Variants in SKI observed in about 807,000 individuals in gnomAD.
SKI encodes ski oncogene.
In SKI, 23 loss-of-function variants were observed where a neutral mutation model predicts 59.3. The ratio of observed to expected loss-of-function variants is 0.39; its 90% CI spans 0.28 to 0.55. SKI has a LOEUF of 0.55. Among genes scored for constraint, SKI ranks in the 20% least tolerant of loss-of-function variants. The probability of loss-of-function intolerance (pLI) is 0.67; values close to 1 mark genes in which losing one functional copy is unlikely to be tolerated. For missense variants in SKI, 1,017 were observed against 1,038.9 expected, an observed-to-expected ratio of 0.98 and a Z score of 0.29; for synonymous variants, 673 against 488.6, an observed-to-expected ratio of 1.38 and a Z score of -4.98.
chr1:2,247,150 C>T (rs551815388), intron 1 of SKI, among the ~76,000 whole-genome samples: 45 of 152,238 alleles, frequency 3.0e-4, no homozygotes, highest in African/African-American at 4.8e-4. Context: ...ACCTGGGAGT[C>T]GGAGTTTGCA....
In SKI at chr1:2,268,492, T is replaced by C. The variant is rs114073574; in HGVS notation, c.970-34486T>C. Among the ~76,000 whole-genome samples the C allele has an allele frequency of 1.8e-4, 28 of 152,254 alleles. No individual in the cohort carries two copies. The highest frequency in any genetic ancestry group is 3.1e-4 in the African/African-American group (13 of 41,534). ...GGGGCTCATAAGCCACCTTGGGGTA[T>C]GTCTGGGTGCATGGGGACTCCTCTG... On this transcript the variant is annotated intron_variant, in intron 1 of 6. Coordinates refer to ENST00000378536, the MANE Select transcript of SKI (RefSeq NM_003036.4). The surrounding 1 kb of genome is among the most constrained non-coding windows in gnomAD (Gnocchi z 5.0).
chr1:2,258,539 C>T (rs1188674100), intron 1 of SKI, among the ~76,000 whole-genome samples: 6 of 137,604 alleles, frequency 4.4e-5, no homozygotes, highest in South Asian at 2.3e-4. Flanking sequence ...GTGGCTTGGT[C>T]GGGGAACTCA....
chr1:2,250,366 G>C (rs1449295078), intron 1 of SKI, among the ~76,000 whole-genome samples: 2 of 152,224 alleles, frequency 1.3e-5, no homozygotes, highest in Non-Finnish European at 1.5e-5. Context: ...CGAGTGTGGG[G>C]TGGCCACTGC....
chr1:2,284,846 G>A (rs569163547), intron 1 of SKI, among the ~76,000 whole-genome samples: 11 of 152,306 alleles, frequency 7.2e-5, no homozygotes, highest in East Asian at 1.9e-4. Context: ...GAGTGAGAGT[G>A]GGTGCTCTCA....
chr1:2,251,424 T>TGCCCCA (rs1639145434), intron 1 of SKI, among the ~76,000 whole-genome samples: 1 of 151,940 alleles, frequency 6.6e-6, no homozygotes, highest in African/African-American at 2.4e-5. Context: ...TCCCTCCCCC[T>TGCCCCA]GCCCCAGCCC....
chr1:2,289,733 C>T (rs2100891977), intron 1 of SKI, among the ~76,000 whole-genome samples: 1 of 152,266 alleles, frequency 6.6e-6, no homozygotes, highest in Admixed American at 6.5e-5. Context: ...CCACAGCTCT[C>T]AGTTTGGCCC....
chr1:2,246,659 G>C (rs564681917), intron 1 of SKI, among the ~76,000 whole-genome samples: 2 of 152,298 alleles, frequency 1.3e-5, no homozygotes, highest in East Asian at 1.9e-4. Context: ...GGGCTCTGCC[G>C]GGACTGGTGG....
At chr1:2,293,913 G>A (rs985628338) in intron 1 of SKI, among the ~76,000 whole-genome samples, 3 of 152,224 alleles carry the variant, frequency 2.0e-5, no homozygotes, top group Non-Finnish European at 4.4e-5. Flanking sequence ...GGTGGTCACC[G>A]CGCCACCATG....
intron 1 of SKI, among the ~76,000 whole-genome samples, chr1:2,245,204 G>A (rs1206811881): frequency 6.6e-6 from 1 of 152,018 alleles, no homozygotes; most frequent in African/African-American, 2.4e-5. Context: ...TTTTGTGACA[G>A]CTTATTTCAC....
chr1:2,289,589 G>C (rs3001805), intron 1 of SKI, among the ~76,000 whole-genome samples: 2 of 109,440 alleles, frequency 1.8e-5, no homozygotes, highest in African/African-American at 6.4e-5. Context: ...GGGGTGGGGG[G>C]GTGCAGGGCA....
At chr1:2,235,685 G>T (rs1638737127) in intron 1 of SKI, among the ~76,000 whole-genome samples, 1 of 152,226 alleles carries the variant, frequency 6.6e-6, no homozygotes, top group African/African-American at 2.4e-5. Context: ...CTGGGGACAT[G>T]CTGCCACATG....
chr1:2,304,222 C>A, intron 4 of SKI, 71 bp from the exon 5 acceptor site: 2 of 1,555,262 alleles, frequency 1.3e-6, no homozygotes, highest in East Asian at 4.9e-5. Context: ...CCTCCGGGAG[C>A]GGCGCGTCTC....
rs1640670941 is a variant in SKI, at chr1:2,308,923, A to C, written c.*2158A>C. 6.6e-6 allele frequency: 1 copy of C among 152,374 alleles called. No individual in the cohort carries two copies. The highest frequency in any genetic ancestry group is 2.1e-4 in the South Asian group (1 of 4,838). The allele number at this position is 152,374 out of a possible 1,614,324, so 9.4% of individuals were successfully genotyped here. The stretch of plus-strand genomic sequence containing the variant: ...CCCAAACGGAAAGCGCTGTATCTGC[A>C]GTGGCAGCCCTTCCCCACTTCGGCT... On this transcript the variant is annotated 3_prime_UTR_variant, in exon 7 of 7. Coordinates refer to ENST00000378536, the MANE Select transcript of SKI (RefSeq NM_003036.4).
At chr1:2,284,022 C>T (rs930952519) in intron 1 of SKI, among the ~76,000 whole-genome samples, 12 of 152,186 alleles carry the variant, frequency 7.9e-5, no homozygotes, top group African/African-American at 2.9e-4. Context: ...CCCGTGCCAT[C>T]TTCTCCCCAG....
intron 1 of SKI, among the ~76,000 whole-genome samples, chr1:2,240,027 G>T (rs1638833678): frequency 6.6e-6 from 1 of 152,202 alleles, no homozygotes; most frequent in Admixed American, 6.5e-5. Flanking sequence ...TTTGGATTGT[G>T]ATTTCTTTGG....
At chr1:2,238,531 C>T (rs1232847505) in intron 1 of SKI, among the ~76,000 whole-genome samples, 1 of 152,238 alleles carries the variant, frequency 6.6e-6, no homozygotes, top group African/African-American at 2.4e-5. Flanking sequence ...AGACTTCCCT[C>T]TGCAGAGGTG....
chr1:2,304,798 T>C (rs1640525980), intron 5 of SKI, among the ~76,000 whole-genome samples: 1 of 152,244 alleles, frequency 6.6e-6, no homozygotes. Context: ...GTCCCCAGGC[T>C]GATGGACATC....
At chr1:2,262,454 C>T (rs1267844950) in intron 1 of SKI, among the ~76,000 whole-genome samples, 1 of 144,500 alleles carries the variant, frequency 6.9e-6, no homozygotes, top group Non-Finnish European at 1.5e-5. Context: ...GAGTGGACGT[C>T]CTCGCTCCTG....
chr1:2,303,416 T>C lies in SKI; in HGVS notation c.1211+16T>C. The C allele has an allele frequency of 6.3e-7, 1 of 1,598,744 alleles. No homozygotes were observed. Among genetic ancestry groups the C allele is most frequent in the Non-Finnish European group, 8.6e-7 (1 of 1,168,024 alleles). The stretch of plus-strand genomic sequence containing the variant: ...TCCGAGACAGGTGAGTGGGCGCCAT[T>C]CACAGGTGTTTCTGATCACGGGGGA... On this transcript the variant is annotated intron_variant, in intron 3 of 6. Coordinates refer to ENST00000378536, the MANE Select transcript of SKI (RefSeq NM_003036.4). This position sits in a 1 kb window ranked among gnomAD's most constrained non-coding sequence, Gnocchi z 5.6.
Sources: gnomAD v4.1 joint callset for allele counts (sites outside exome capture counted in the v4.1 genomes callset) on GRCh38, gnomAD v4.1.1 for gene constraint, Gnocchi (gnomAD v3.1) non-coding constraint, MANE v1.5 for transcripts, NCBI Gene and HGNC (gene_info 2026-07-23, HGNC 2026-07-21) for gene names.